The following AGBL4 variants were observed in gnomAD, a reference collection of about 807,000 sequenced individuals.
AGBL4 encodes cytosolic carboxypeptidase 6.
AGBL4 carries 58 observed loss-of-function variants against 66.4 expected under a neutral mutation model. That is an observed-to-expected ratio of 0.87 (90% CI 0.71 to 1.09). The LOEUF (loss-of-function observed/expected upper bound fraction) is 1.09, where lower values mean the gene tolerates loss of function less well. AGBL4 is among the 50% of genes least tolerant of loss of function. The pLI, the probability that AGBL4 is intolerant of heterozygous loss-of-function variation, is 0.00. For missense variants in AGBL4, 579 were observed against 631.0 expected (o/e 0.92, Z 0.88); for synonymous variants, 234 against 222.9 (o/e 1.05, Z -0.44).
intron 3 of AGBL4, among the ~76,000 whole-genome samples, chr1:49,486,766 T>A (rs151043167): frequency 6.6e-6 from 1 of 151,972 alleles, no homozygotes; most frequent in Non-Finnish European, 1.5e-5. Flanking sequence ...GAAAATCTAA[T>A]GAAAAAATTT....
chr1:48,885,782 G>T (rs1650266186), intron 5 of AGBL4, among the ~76,000 whole-genome samples: 4 of 152,108 alleles, frequency 2.6e-5, no homozygotes, highest in African/African-American at 7.2e-5. Context: ...AGTGCACAGG[G>T]CCCACTGGCT....
intron 6 of AGBL4, among the ~76,000 whole-genome samples, chr1:48,846,352 G>A (rs1295092206): frequency 1.7e-5 from 2 of 116,116 alleles, no homozygotes; most frequent in Non-Finnish European, 3.7e-5. Context: ...GAAAAGAAAG[G>A]AGAAAGAAAG....
chr1:48,820,252 G>C (rs1012597806), intron 6 of AGBL4, among the ~76,000 whole-genome samples: 2 of 152,074 alleles, frequency 1.3e-5, no homozygotes, highest in African/African-American at 2.4e-5. Flanking sequence ...AAGGTTTGAA[G>C]ATCTGAACTG....
chr1:48,758,493 T>C (rs1282863728), intron 6 of AGBL4, among the ~76,000 whole-genome samples: 2 of 152,232 alleles, frequency 1.3e-5, no homozygotes, highest in Non-Finnish European at 2.9e-5. Context: ...CATTCTCCTT[T>C]GGCATTTATC....
intron 3 of AGBL4, among the ~76,000 whole-genome samples, chr1:49,384,038 G>A (rs192805675): frequency 2.0e-4 from 31 of 151,654 alleles, no homozygotes; most frequent in South Asian, 1.3e-3. Flanking sequence ...CTTGTGATCC[G>A]CCCACCTCGG....
At chr1:49,299,820 C>T (rs1023924085) in intron 3 of AGBL4, among the ~76,000 whole-genome samples, 3 of 151,982 alleles carry the variant, frequency 2.0e-5, no homozygotes, top group Non-Finnish European at 4.4e-5. Flanking sequence ...TCTTTCTATT[C>T]CTAGTTTTCT....
At chr1:48,960,214 G>C (rs1657848353) in intron 5 of AGBL4, among the ~76,000 whole-genome samples, 1 of 152,138 alleles carries the variant, frequency 6.6e-6, no homozygotes, top group Admixed American at 6.6e-5. Context: ...TAAGATATTG[G>C]TGGAAAGGCT....
intron 4 of AGBL4, among the ~76,000 whole-genome samples, chr1:49,113,107 C>G (rs913475208): frequency 6.6e-6 from 1 of 151,952 alleles, no homozygotes; most frequent in South Asian, 2.1e-4. Context: ...CCTGCCACCA[C>G]GCCTGGCTAA....
At chr1:49,744,938 A>G (rs1210633179) in intron 2 of AGBL4, among the ~76,000 whole-genome samples, 1 of 152,138 alleles carries the variant, frequency 6.6e-6, no homozygotes, top group Admixed American at 6.5e-5. Context: ...AATTTTAAAA[A>G]TAATTTAAAT....
intron 3 of AGBL4, among the ~76,000 whole-genome samples, chr1:49,566,395 T>A (rs140360247): frequency 0.011 from 1,661 of 152,314 alleles, 26 homozygotes; most frequent in African/African-American, 0.038. Context: ...AGTTTCCAAT[T>A]TTTCTGCTCT....
chr1:49,360,682 C>T (rs1297769687), intron 3 of AGBL4, among the ~76,000 whole-genome samples: 2 of 152,080 alleles, frequency 1.3e-5, no homozygotes, highest in East Asian at 1.9e-4. Flanking sequence ...AAGCCCACTT[C>T]TCTATTATAT....
At chr1:49,328,613 C>A (rs2148487178) in intron 3 of AGBL4, among the ~76,000 whole-genome samples, 1 of 152,326 alleles carries the variant, frequency 6.6e-6, no homozygotes, top group South Asian at 2.1e-4. Context: ...GTAGCTTCAA[C>A]TATCCATTAA....
chr1:49,938,982 C>T (rs1173247121), intron 1 of AGBL4, among the ~76,000 whole-genome samples: 1 of 152,012 alleles, frequency 6.6e-6, no homozygotes, highest in African/African-American at 2.4e-5. Flanking sequence ...TCTCCTTAAG[C>T]TGATAAGCAA....
chr1:49,763,581 C>A (rs915605739), intron 2 of AGBL4, among the ~76,000 whole-genome samples: 2 of 152,158 alleles, frequency 1.3e-5, no homozygotes, highest in Non-Finnish European at 2.9e-5. Context: ...AGCCACCCAC[C>A]TGGGACTAGC....
chr1:49,814,222 G>A (rs1027825728), intron 2 of AGBL4, among the ~76,000 whole-genome samples: 1 of 152,108 alleles, frequency 6.6e-6, no homozygotes, highest in African/African-American at 2.4e-5. Flanking sequence ...TTTCAGCAGA[G>A]ATGTGAATGA....
chr1:48,658,171 T>C (rs1464140605), intron 7 of AGBL4, among the ~76,000 whole-genome samples: 4 of 152,190 alleles, frequency 2.6e-5, no homozygotes, highest in East Asian at 1.9e-4. Context: ...AAGAACCTAG[T>C]TGGGATTCAG....
intron 3 of AGBL4, among the ~76,000 whole-genome samples, chr1:49,309,226 C>T (rs2148457828): frequency 6.6e-6 from 1 of 152,144 alleles, no homozygotes; most frequent in East Asian, 1.9e-4. Context: ...CACTGTTCTA[C>T]TGTTGATGGC....
chr1:49,218,817 G>A (rs1262500132), intron 4 of AGBL4, among the ~76,000 whole-genome samples: 1 of 151,942 alleles, frequency 6.6e-6, no homozygotes, highest in Non-Finnish European at 1.5e-5. Flanking sequence ...GAATCATTGG[G>A]GCAGGTCTTT....
At chr1:49,341,108 G>GT (rs1328672571) in intron 3 of AGBL4, among the ~76,000 whole-genome samples, 2 of 152,132 alleles carry the variant, frequency 1.3e-5, no homozygotes, top group Admixed American at 1.3e-4. Flanking sequence ...TATGTATTGA[G>GT]TAGCCATTCT....
Sources: allele counts gnomAD v4.1 joint callset (sites outside exome capture counted in the v4.1 genomes callset), GRCh38; gene constraint gnomAD v4.1.1; transcripts MANE v1.5; gene names NCBI Gene and HGNC (gene_info 2026-07-23, HGNC 2026-07-21).